Variants in KIAA1549 observed in about 807,000 individuals in gnomAD.
The protein encoded by KIAA1549 is UPF0606 protein KIAA1549.
A neutral mutation model predicts 156.4 loss-of-function variants in KIAA1549; 70 were observed. The ratio of observed to expected loss-of-function variants is 0.45; its 90% confidence interval spans 0.37 to 0.55. KIAA1549 has a LOEUF of 0.55. KIAA1549 is among the 20% of genes least tolerant of loss of function. KIAA1549 has a pLI of 0.00. For missense variants in KIAA1549, 2,428 were observed against 2,540.9 expected, an observed-to-expected ratio of 0.96 and a Z score of 0.96; for synonymous variants, 1,103 against 1,066.4, an observed-to-expected ratio of 1.03 and a Z score of -0.67.
rs1191215369 is a variant in KIAA1549 at position 138,879,502 on chromosome 7, C to T, written c.4345+36G>A. 3.8e-6 allele frequency: 5 copies of T among 1,311,562 alleles called. No homozygotes were observed. The African/African-American group carries it at 5.9e-5, about 15-fold the overall frequency. The allele number at this position is 1,311,562 out of a possible 1,614,324, so 81.2% of individuals were successfully genotyped here. ...CCCAGCCTTTGGACTCTCATAGGGA[C>T]TACTTTTAATGGGAAGAACCAGAAG... On this transcript the variant is annotated intron_variant, in intron 12 of 19. Coordinates refer to ENST00000422774, the MANE Select transcript of KIAA1549 (RefSeq NM_001164665.2).
At position 138,884,934 on chromosome 7, in the gene KIAA1549, G is replaced by A. The variant is rs1414570775; in HGVS notation, c.4033-3350C>T. The stretch of plus-strand genomic sequence containing the variant: ...TGGAGGGCCGGGCACAGTGGCTTAC[G>A]CCTGTAATCCCAACACTTTGGGAGG... On this transcript the variant is annotated intron_variant, in intron 10 of 19. Transcript: ENST00000422774. 2.6e-5 allele frequency among the ~76,000 whole-genome samples: 4 copies of A among 152,364 alleles called. No individual in the cohort carries two copies. In the East Asian group the frequency reaches 7.7e-4, roughly 29 times the overall value.
At chr7:138,948,842 G>GC (rs1272617611) in intron 1 of KIAA1549, among the ~76,000 whole-genome samples, 1 of 151,842 alleles carries the variant, frequency 6.6e-6, no homozygotes, top group Non-Finnish European at 1.5e-5. Context: ...ACAGGCATGT[G>GC]CCACCATGTG....
chr7:138,947,172 T>C (rs1046953994), intron 1 of KIAA1549, among the ~76,000 whole-genome samples: 1 of 152,204 alleles, frequency 6.6e-6, no homozygotes, highest in African/African-American at 2.4e-5. Flanking sequence ...TGCAGTCCCA[T>C]GTTGACCAGC....
chr7:138,950,709 C>T (rs573571778), intron 1 of KIAA1549, among the ~76,000 whole-genome samples: 45 of 152,312 alleles, frequency 3.0e-4, no homozygotes, highest in East Asian at 1.4e-3. Context: ...GGCCGAGGCC[C>T]GCCAGCTCTG....
intron 1 of KIAA1549, among the ~76,000 whole-genome samples, chr7:138,940,543 C>T (rs1813154306): frequency 6.6e-6 from 1 of 151,652 alleles, no homozygotes; most frequent in South Asian, 2.1e-4. Flanking sequence ...AATGGGATGG[C>T]TGGGTCAAAT....
chr7:138,907,015 A>C lies in KIAA1549; in HGVS notation c.3364T>G (p.Phe1122Val), dbSNP rs780649740. ...IIFAVKSTQGFLNGSEVSELL... is the reference protein window; with the variant it reads ...IIFAVKSTQGVLNGSEVSELL... ...TCGCTCACTTCCGACCCATTCAAAA[A>C]TCCCTGTGTGCTTTTAACCGCAAAG... Residue 1122 changes from phenylalanine (F) to valine (V), a missense_variant, in exon 6 of 20, where the codon TTT (phenylalanine) becomes GTT (valine). This residue lies in a region of KIAA1549 where 762 missense variants were observed against 901.6 expected (regional missense o/e 0.85). Transcript: ENST00000422774. 1 of 1,613,510 alleles carries C rather than the reference A, an allele frequency of 6.2e-7. No individual in the cohort carries two copies. The highest frequency in any genetic ancestry group is 1.7e-5 in the Admixed American group (1 of 59,960).
intron 10 of KIAA1549, among the ~76,000 whole-genome samples, chr7:138,882,577 G>C (rs1393763683): frequency 6.6e-6 from 1 of 152,168 alleles, no homozygotes; most frequent in Non-Finnish European, 1.5e-5. Context: ...GGGGAGCTGA[G>C]TTTTTCAACA....
In KIAA1549 at chr7:138,879,595, C is replaced by T; in HGVS notation, c.4288G>A (p.Gly1430Arg). 6.4e-7 allele frequency: 1 copy of T among 1,568,408 alleles called. No homozygotes were observed. The highest frequency in any genetic ancestry group is 8.6e-7 in the Non-Finnish European group (1 of 1,156,486). Residue 1430 changes from glycine (G) to arginine (R), a missense_variant, in exon 12 of 20, where the codon GGA (glycine) becomes AGA (arginine). Gly to Arg is a moderately radical substitution (Grantham distance 125, BLOSUM62 -2). Around this residue, in one of 5 missense-constraint regions of KIAA1549, gnomAD observed 404 missense variants for 417.0 expected, o/e 0.97. Transcript: ENST00000422774. ...VSEESSERDA[G>R]DKTPGAVNDG... is the part of the protein sequence containing the mutation. Reference sequence around the variant, plus strand: ...TTGACGGCTCCCGGCGTCTTATCTCCTGCGTCCCTCTCGCTGGACTCTTCA... The same window carrying T: ...TTGACGGCTCCCGGCGTCTTATCTCTTGCGTCCCTCTCGCTGGACTCTTCA...
rs61744110 is a variant in KIAA1549, at chr7:138,871,176, C to G, written c.4532G>C (p.Ser1511Thr). Residue 1511 changes from serine (S) to threonine (T), a missense_variant, in exon 13 of 20, where the codon AGC (serine) becomes ACC (threonine). Ser to Thr is a moderately conservative substitution (Grantham distance 58). Coordinates refer to ENST00000422774, the MANE Select transcript of KIAA1549 (RefSeq NM_001164665.2). ...AAATACCTCTTTGTTGATTTTATTG[C>G]TTTCCGCCACTCGGTCGGCTGGGGA... The part of the protein sequence containing the change: ...RPSPADRVAE[S>T]NKINKEIQTA... 2,593 of 1,612,556 alleles carry G rather than the reference C, an allele frequency of 1.6e-3. 14 individuals are homozygous for G. The African/African-American group carries it at 0.019, about 12-fold the overall frequency.
At chr7:138,898,312 A>C (rs1435503438) in intron 9 of KIAA1549, among the ~76,000 whole-genome samples, 1 of 151,830 alleles carries the variant, frequency 6.6e-6, no homozygotes, top group Non-Finnish European at 1.5e-5. Flanking sequence ...TCTCAAAAAA[A>C]AAAAAAAAAA....
At chr7:138,882,855 C>T (rs1326642192) in intron 10 of KIAA1549, among the ~76,000 whole-genome samples, 1 of 152,116 alleles carries the variant, frequency 6.6e-6, no homozygotes, top group Non-Finnish European at 1.5e-5. Flanking sequence ...TCCAGGGATA[C>T]AAGCATCACC....
In KIAA1549 at chr7:138,901,543, C is replaced by CT. The variant is rs766713482; in HGVS notation, c.3669+2044dup. ...GTTTCACCATGTTGGCCAGGCTGGTCTTGAACTCCTGGCCTCAAGTGATCC... is the reference window on the plus strand; with the variant it reads ...GTTTCACCATGTTGGCCAGGCTGGTCTTTGAACTCCTGGCCTCAAGTGATCC... On this transcript the variant is annotated intron_variant, in intron 8 of 19. Transcript: ENST00000422774. 4.2e-4 allele frequency among the ~76,000 whole-genome samples: 64 copies of CT among 152,166 alleles called. 2 individuals carry two copies. In the East Asian group the frequency reaches 5.4e-3, roughly 13 times the overall value.
intron 18 of KIAA1549, among the ~76,000 whole-genome samples, 185 bp from the exon 19 acceptor site, chr7:138,840,463 G>A (rs1314949754): frequency 6.6e-6 from 1 of 151,838 alleles, no homozygotes; most frequent in Non-Finnish European, 1.5e-5. Context: ...AGCATTTCCT[G>A]AGGGTCCCAT....
chr7:138,957,481 CCTCTTCTTCTTT>C (rs1438831936), intron 1 of KIAA1549, among the ~76,000 whole-genome samples: 2 of 125,384 alleles, frequency 1.6e-5, no homozygotes, highest in African/African-American at 6.0e-5. Context: ...TCTTCTTCTT[CCTCTTCTTCTTT>C]TTGAGATGAA....
chr7:138,889,986 C>T (rs575788675), intron 10 of KIAA1549, among the ~76,000 whole-genome samples: 70 of 152,332 alleles, frequency 4.6e-4, no homozygotes, highest in African/African-American at 1.6e-3. Flanking sequence ...CCACATGCAG[C>T]ATAGGTTTAA....
intron 1 of KIAA1549, among the ~76,000 whole-genome samples, chr7:138,966,017 G>A (rs1449795984): frequency 6.6e-6 from 1 of 152,082 alleles, no homozygotes; most frequent in Non-Finnish European, 1.5e-5. Context: ...CTCTGCACTG[G>A]CCACATCATT....
intron 10 of KIAA1549, among the ~76,000 whole-genome samples, chr7:138,883,090 A>G (rs1224425772): frequency 2.8e-5 from 2 of 71,230 alleles, no homozygotes; most frequent in East Asian, 8.6e-4. Flanking sequence ...CATCTCCCCT[A>G]AAAAAAAAAA....
intron 16 of KIAA1549, among the ~76,000 whole-genome samples, chr7:138,858,188 A>G (rs1810449759): frequency 2.0e-5 from 3 of 151,576 alleles, no homozygotes; most frequent in Admixed American, 2.0e-4. Context: ...TGGTGCAATC[A>G]TGGCTCACTG....
At chr7:138,967,701 A>C (rs1814072514) in intron 1 of KIAA1549, among the ~76,000 whole-genome samples, 1 of 152,066 alleles carries the variant, frequency 6.6e-6, no homozygotes, top group Non-Finnish European at 1.5e-5. Context: ...CAGGAGAAAA[A>C]AAAACACTCA....
Sources: allele counts gnomAD v4.1 joint callset (sites outside exome capture counted in the v4.1 genomes callset), GRCh38; gene constraint gnomAD v4.1.1; regional missense constraint gnomAD v4.1.1; transcripts MANE v1.5; gene names NCBI Gene and HGNC (gene_info 2026-07-23, HGNC 2026-07-21).